Variants in SV2C observed in about 807,000 individuals in gnomAD.
The protein encoded by SV2C is solute carrier family 22 member B3.
Under a neutral mutation model 79.7 loss-of-function variants are expected in SV2C, and 49 were observed. The observed-to-expected ratio is 0.61, with a 90% CI of 0.49 to 0.78. SV2C has a LOEUF of 0.78. Ranked by LOEUF, SV2C falls within the 30% of genes least tolerant of loss-of-function variation. The pLI is 0.00. For synonymous variants in SV2C, 334 were observed against 333.2 expected (o/e 1.00, Z -0.03); for missense variants, 833 against 912.9 (o/e 0.91, Z 1.13).
chr5:76,254,860 AG>A (rs1209397259), intron 4 of SV2C, among the ~76,000 whole-genome samples: 2 of 152,200 alleles, frequency 1.3e-5, no homozygotes. Flanking sequence ...TGAGGGTAGA[AG>A]AAAATGATCA....
At chr5:76,309,878 C>T (rs1748363022) in intron 12 of SV2C, among the ~76,000 whole-genome samples, 1 of 151,992 alleles carries the variant, frequency 6.6e-6, no homozygotes, top group Non-Finnish European at 1.5e-5. Context: ...GAGGCTGGGA[C>T]ACAGGAGGGA....
At chr5:75,932,289 A>G in the SV2C span, among the ~76,000 whole-genome samples, 4 of 152,226 alleles carry the variant, frequency 2.6e-5, no homozygotes, top group Non-Finnish European at 5.9e-5. Flanking sequence ...TTCTAGCTGC[A>G]GAGCTTCACA....
chr5:75,881,045 C>A, the SV2C span, among the ~76,000 whole-genome samples: 1 of 152,094 alleles, frequency 6.6e-6, no homozygotes, highest in African/African-American at 2.4e-5. Flanking sequence ...AGGTGCCACA[C>A]ACTTTTAAAC....
At chr5:76,157,076 A>G (rs188498889) in intron 2 of SV2C, among the ~76,000 whole-genome samples, 2 of 152,174 alleles carry the variant, frequency 1.3e-5, no homozygotes, top group East Asian at 3.9e-4. Flanking sequence ...AGCTCAAAAA[A>G]CTCCAAGGAA....
chr5:76,031,635 G>A, the SV2C span, among the ~76,000 whole-genome samples: 114 of 152,226 alleles, frequency 7.5e-4, no homozygotes, highest in Middle Eastern at 6.8e-3. Context: ...GGATTATCTT[G>A]CCCATAAAAG....
chr5:76,165,247 A>G (rs1383884278), intron 2 of SV2C, among the ~76,000 whole-genome samples: 1 of 152,240 alleles, frequency 6.6e-6, no homozygotes, highest in Non-Finnish European at 1.5e-5. Context: ...AATATCTTAC[A>G]TAACCTTAGT....
At position 76,325,514 on chromosome 5, in the gene SV2C, C is replaced by T; in HGVS notation, c.2151C>T (p.Cys717=). 2 of 1,614,136 alleles carry T rather than the reference C, an allele frequency of 1.2e-6. No individual in the cohort carries two copies. The highest frequency in any genetic ancestry group is 1.7e-6 in the Non-Finnish European group (2 of 1,180,020). Reference sequence around the variant, plus strand: ...TGTGTGGAGGACTCGTTGGGCTGTGCCTGCCTGACACACGAACCCAGGTTC... The same window carrying T: ...TGTGTGGAGGACTCGTTGGGCTGTGTCTGCCTGACACACGAACCCAGGTTC... ...VLVCGGLVGL[C]LPDTRTQVLM is the part of the protein sequence containing the mutation. The change falls in exon 13 of 13, where the codon TGC becomes TGT. Residue 717 remains cysteine (C), a synonymous_variant. Transcript: ENST00000502798.
At chr5:76,150,479 G>T (rs1389534319) in intron 2 of SV2C, among the ~76,000 whole-genome samples, 3 of 151,900 alleles carry the variant, frequency 2.0e-5, no homozygotes, top group African/African-American at 7.3e-5. Flanking sequence ...CCCAGCCTCT[G>T]TTTATTTTTC....
chr5:76,242,836 T>C (rs6884651), intron 4 of SV2C, among the ~76,000 whole-genome samples: 17,390 of 151,532 alleles, frequency 0.11, 1,118 homozygotes, highest in Middle Eastern at 0.16. Context: ...AGTTCAAGAC[T>C]AGCCTGGACA....
rs542784215 is a variant in SV2C, at chr5:76,161,915, G to A, written c.580+29585G>A. 2.6e-5 allele frequency among the ~76,000 whole-genome samples: 4 copies of A among 152,274 alleles called. No homozygotes were observed. The South Asian group carries it at 6.2e-4, about 24-fold the overall frequency. On this transcript the variant is annotated intron_variant, in intron 2 of 12. Coordinates refer to ENST00000502798, the MANE Select transcript of SV2C (RefSeq NM_014979.4). ...TAGTGATTATATAAAATCCAGGACAGAAACAATAAAGTGGTGGGACCTTAT... is the reference window on the plus strand; with the variant it reads ...TAGTGATTATATAAAATCCAGGACAAAAACAATAAAGTGGTGGGACCTTAT...
chr5:76,162,989 A>G (rs936133614), intron 2 of SV2C, among the ~76,000 whole-genome samples: 1 of 152,220 alleles, frequency 6.6e-6, no homozygotes, highest in Non-Finnish European at 1.5e-5. Flanking sequence ...TGGAGCACAT[A>G]TTAATACTTC....
At chr5:76,242,240 T>C in intron 4 of SV2C, 1 of 1,029,164 alleles carries the variant, frequency 9.7e-7, no homozygotes, top group South Asian at 1.3e-5. Context: ...CTGTGGTTCG[T>C]CCTTCACCTT....
chr5:76,078,893 G>A, upstream of SV2C: 1 of 563,542 alleles, frequency 1.8e-6, no homozygotes, highest in South Asian at 1.4e-5. Context: ...GACCTTCAGA[G>A]TTACAATGAT....
chr5:75,912,692 T>A, the SV2C span, among the ~76,000 whole-genome samples: 3 of 152,118 alleles, frequency 2.0e-5, no homozygotes, highest in Non-Finnish European at 4.4e-5. Flanking sequence ...GGCCCTTACA[T>A]GAAAACTCTG....
the SV2C span, among the ~76,000 whole-genome samples, chr5:75,853,736 G>A: frequency 1.9e-4 from 29 of 150,414 alleles, no homozygotes; most frequent in Middle Eastern, 3.5e-3. Context: ...AGCTGAAAAT[G>A]TAGGGCAAAA....
chr5:75,878,860 A>G, the SV2C span, among the ~76,000 whole-genome samples: 73 of 152,212 alleles, frequency 4.8e-4, no homozygotes, highest in Non-Finnish European at 7.9e-4. Flanking sequence ...TATTAAAAAA[A>G]AGGTTTATTT....
chr5:76,008,877 T>C, the SV2C span, among the ~76,000 whole-genome samples: 1 of 152,122 alleles, frequency 6.6e-6, no homozygotes, highest in Non-Finnish European at 1.5e-5. Flanking sequence ...GCCTCACCAA[T>C]ACAACCTTCT....
chr5:76,180,690 C>G (rs137995591), intron 2 of SV2C, among the ~76,000 whole-genome samples: 1 of 152,156 alleles, frequency 6.6e-6, no homozygotes, highest in East Asian at 1.9e-4. Flanking sequence ...CCTCCTGGCC[C>G]GAGACTGCCC....
At chr5:76,035,163 G>A in the SV2C span, among the ~76,000 whole-genome samples, 14 of 150,514 alleles carry the variant, frequency 9.3e-5, no homozygotes, top group East Asian at 1.9e-4. Context: ...TCTTGCTAGC[G>A]GTCTATCAAT....
Sources: allele counts gnomAD v4.1 joint callset (sites outside exome capture counted in the v4.1 genomes callset), GRCh38; gene constraint gnomAD v4.1.1; transcripts MANE v1.5; gene names NCBI Gene and HGNC (gene_info 2026-07-23, HGNC 2026-07-21).